The following RORA variants were observed in gnomAD, a reference collection of about 807,000 sequenced individuals.
The protein encoded by RORA is RAR related orphan receptor A.
In RORA, 7 loss-of-function variants were observed where a neutral mutation model predicts 69.5. That is an observed-to-expected ratio of 0.10 (90% CI 0.06 to 0.19). The LOEUF is 0.19. Ranked by LOEUF, RORA falls within the 10% of genes least tolerant of loss-of-function variation. RORA has a pLI of 1.00. For synonymous variants in RORA, 261 were observed against 240.8 expected (o/e 1.08, Z -0.78); for missense variants, 457 against 663.0 (o/e 0.69, Z 3.41).
chr15:60,819,727 T>G (rs2072862814), intron 1 of RORA, among the ~76,000 whole-genome samples: 1 of 138,952 alleles, frequency 7.2e-6, no homozygotes, highest in Non-Finnish European at 1.5e-5. Flanking sequence ...ATATCACTCC[T>G]GGACTGAAGT....
At chr15:60,509,531 A>G (rs2065623746) in intron 5 of RORA, among the ~76,000 whole-genome samples, 1 of 152,208 alleles carries the variant, frequency 6.6e-6, no homozygotes, top group South Asian at 2.1e-4. Context: ...CCAAAGTGCC[A>G]TGTTCAAGGG....
intron 1 of RORA, among the ~76,000 whole-genome samples, chr15:61,031,172 T>C (rs1013664940): frequency 1.3e-5 from 2 of 152,162 alleles, no homozygotes; most frequent in Non-Finnish European, 2.9e-5. Flanking sequence ...AAAGTATTAT[T>C]AGCTAGCTGA....
chr15:60,718,109 G>A (rs141734218), intron 1 of RORA, among the ~76,000 whole-genome samples: 313 of 152,174 alleles, frequency 2.1e-3, no homozygotes, highest in African/African-American at 6.6e-3. Flanking sequence ...GGTGTTCTAC[G>A]GATAGGACCT....
chr15:61,094,802 T>C (rs1332020387), intron 1 of RORA, among the ~76,000 whole-genome samples: 1 of 152,196 alleles, frequency 6.6e-6, no homozygotes, highest in Non-Finnish European at 1.5e-5. Flanking sequence ...AGACAACTAC[T>C]TGCAGCAAAC....
intron 1 of RORA, among the ~76,000 whole-genome samples, chr15:61,018,980 G>A (rs139781326): frequency 6.6e-6 from 1 of 152,150 alleles, no homozygotes; most frequent in African/African-American, 2.4e-5. Context: ...AGCAAACAGA[G>A]CTTATCCAGC....
chr15:60,944,708 A>AC, intron 1 of RORA, among the ~76,000 whole-genome samples: 1 of 151,194 alleles, frequency 6.6e-6, no homozygotes, highest in African/African-American at 2.4e-5. Flanking sequence ...AAAAAAAAAA[A>AC]AAAAAAGCAG....
intron 1 of RORA, among the ~76,000 whole-genome samples, chr15:60,869,518 C>T (rs898366869): frequency 6.6e-6 from 1 of 152,162 alleles, no homozygotes; most frequent in East Asian, 1.9e-4. Context: ...TTGGAAATCT[C>T]CTGTTGATAG....
intron 1 of RORA, among the ~76,000 whole-genome samples, chr15:60,974,898 G>A (rs549053698): frequency 6.6e-6 from 1 of 152,352 alleles, no homozygotes; most frequent in Admixed American, 6.5e-5. Flanking sequence ...TTTCCTAGGC[G>A]TTGAAAAGAG....
intron 1 of RORA, among the ~76,000 whole-genome samples, chr15:60,983,942 CT>C (rs1361416056): frequency 1.3e-5 from 2 of 152,234 alleles, no homozygotes; most frequent in East Asian, 3.9e-4. Flanking sequence ...GAATTTGGCA[CT>C]TTTTGTAAAC....
intron 1 of RORA, among the ~76,000 whole-genome samples, chr15:60,797,643 G>A (rs2072517147): frequency 6.6e-6 from 1 of 152,198 alleles, no homozygotes; most frequent in Non-Finnish European, 1.5e-5. Context: ...CTCTGCTTAT[G>A]AGATATTAAC....
intron 1 of RORA, among the ~76,000 whole-genome samples, chr15:61,129,619 A>G (rs1175624004): frequency 2.6e-5 from 4 of 152,242 alleles, no homozygotes; most frequent in African/African-American, 9.6e-5. Context: ...GCAATAAAAA[A>G]TGTGATACTG....
intron 2 of RORA, among the ~76,000 whole-genome samples, chr15:60,578,871 C>T (rs928628968): frequency 4.0e-5 from 6 of 151,312 alleles, no homozygotes; most frequent in Non-Finnish European, 7.4e-5. Flanking sequence ...TCAAGCCATT[C>T]TCCTGCCTCA....
intron 1 of RORA, among the ~76,000 whole-genome samples, chr15:60,911,146 G>T (rs1189459481): frequency 7.3e-6 from 1 of 136,710 alleles, no homozygotes; most frequent in Admixed American, 8.0e-5. Context: ...TGTTGGCCAG[G>T]CTGGTCTCGA....
chr15:61,135,952 C>CT (rs1397616850), intron 1 of RORA, among the ~76,000 whole-genome samples: 1 of 152,196 alleles, frequency 6.6e-6, no homozygotes, highest in Non-Finnish European at 1.5e-5. Flanking sequence ...AAATGGAAAG[C>CT]TGTGAGGGGA....
rs112521175 is a variant in RORA at position 60,494,876 on chromosome 15, T to G, written c.*2579A>C. On this transcript the variant is annotated 3_prime_UTR_variant, in exon 11 of 11. Coordinates refer to ENST00000335670, the MANE Select transcript of RORA (RefSeq NM_134261.3). ...CAGAATCCCTTCTGGGAAAAGGAAT[T>G]TCTTTTTAAGTTCATCATTATGTTC... 5 of 152,318 alleles carry G rather than the reference T, an allele frequency of 3.3e-5. 1 individual carries two copies. The highest frequency in any genetic ancestry group is 1.2e-4 in the African/African-American group (5 of 41,570). 9.4% of individuals were successfully genotyped at this position (152,318 alleles called of 1,614,324 possible).
intron 1 of RORA, among the ~76,000 whole-genome samples, chr15:60,925,411 T>G (rs906249197): frequency 6.6e-6 from 1 of 152,208 alleles, no homozygotes; most frequent in East Asian, 1.9e-4. Flanking sequence ...CCAAGAGATG[T>G]TGAGTTACAC....
chr15:60,520,050 G>C (rs2066111331), intron 3 of RORA: 1 of 152,134 alleles, frequency 6.6e-6, no homozygotes, highest in South Asian at 2.1e-4. Context: ...TCAGTTTTGA[G>C]GATTTGGGGA....
At chr15:60,945,277 G>A (rs1392404992) in intron 1 of RORA, among the ~76,000 whole-genome samples, 3 of 152,140 alleles carry the variant, frequency 2.0e-5, no homozygotes, top group African/African-American at 4.8e-5. Context: ...TGTATTCCAC[G>A]GTTCCTGTTG....
intron 1 of RORA, among the ~76,000 whole-genome samples, chr15:61,050,205 C>T (rs933798159): frequency 2.6e-5 from 4 of 152,300 alleles, no homozygotes; most frequent in East Asian, 1.9e-4. Flanking sequence ...GTGTACATGC[C>T]GTCCATGGCT....
Sources: allele counts gnomAD v4.1 joint callset (sites outside exome capture counted in the v4.1 genomes callset), GRCh38; gene constraint gnomAD v4.1.1; transcripts MANE v1.5; gene names NCBI Gene and HGNC (gene_info 2026-07-23, HGNC 2026-07-21).